Variants in DOT1L observed in about 807,000 individuals in gnomAD.
DOT1L encodes the protein DOT1 like histone lysine methyltransferase, also known as histone-lysine N-methyltransferase, H3 lysine-79 specific.
In DOT1L, 33 loss-of-function variants were observed where a neutral mutation model predicts 153.3. That is an observed-to-expected ratio of 0.22 (90% CI 0.16 to 0.29). DOT1L has a LOEUF of 0.29. Among genes scored for constraint, DOT1L ranks in the 10% least tolerant of loss-of-function variants. The pLI is 1.00. For missense variants in DOT1L, 1,847 were observed against 2,119.9 expected (o/e 0.87, Z 2.53); for synonymous variants, 1,135 against 965.1 (o/e 1.18, Z -3.26).
chr19:2,215,229 G>A (rs952411994), intron 19 of DOT1L, among the ~76,000 whole-genome samples: 4 of 152,194 alleles, frequency 2.6e-5, no homozygotes, highest in Middle Eastern at 3.2e-3. Flanking sequence ...TTGCACCACT[G>A]CACTCCAGCC....
intron 1 of DOT1L, 56 bp downstream of exon 1, chr19:2,164,321 TG>T (rs2144621162): frequency 8.4e-7 from 1 of 1,190,694 alleles, no homozygotes. Context: ...CCGCCGCCCC[TG>T]GGGACACCCC....
At chr19:2,185,808 CAAAAA>C (rs748068877) in intron 2 of DOT1L, 42 bp from the exon 3 acceptor site, 95 of 1,593,734 alleles carry the variant, frequency 6.0e-5, no homozygotes, top group Non-Finnish European at 7.7e-5. Flanking sequence ...CAAAACAAAA[CAAAAA>C]AAACCAAACC....
At chr19:2,229,375 C>T (rs1043759066) in intron 27 of DOT1L, 1 of 985,354 alleles carries the variant, frequency 1.0e-6, no homozygotes, top group Non-Finnish European at 1.2e-6. Context: ...GTCCAAAGCC[C>T]ACCGGGCAAG....
At chr19:2,219,216 C>T (rs1392295089) in intron 22 of DOT1L, among the ~76,000 whole-genome samples, 1 of 152,160 alleles carries the variant, frequency 6.6e-6, no homozygotes, top group Non-Finnish European at 1.5e-5. Context: ...CCCTGTTGGC[C>T]AGGGTGGTCT....
intron 27 of DOT1L, chr19:2,227,767 C>A: frequency 7.6e-7 from 1 of 1,320,332 alleles, no homozygotes; most frequent in Non-Finnish European, 1.0e-6. Flanking sequence ...CCCTCCGCCT[C>A]TGCTCATCCG....
chr19:2,199,850 G>A (rs766266898), intron 7 of DOT1L, 34 bp from the exon 8 acceptor site: 20 of 1,606,554 alleles, frequency 1.2e-5, no homozygotes, highest in South Asian at 8.8e-5. Flanking sequence ...CAGGGAGGCC[G>A]GGGGTCCGCG....
intron 25 of DOT1L, 71 bp from the exon 26 acceptor site, chr19:2,225,317 G>A: frequency 1.4e-6 from 2 of 1,473,628 alleles, no homozygotes; most frequent in Non-Finnish European, 1.9e-6. Flanking sequence ...TGGGCTGTTG[G>A]CTGTCAGCAT....
intron 2 of DOT1L, among the ~76,000 whole-genome samples, chr19:2,184,217 C>T (rs1470758400): frequency 6.6e-6 from 1 of 152,118 alleles, no homozygotes; most frequent in African/African-American, 2.4e-5. Context: ...CTCTCGGGGC[C>T]TCGCTCGGTG....
At chr19:2,195,277 G>A (rs1188749119) in intron 7 of DOT1L, among the ~76,000 whole-genome samples, 1 of 152,028 alleles carries the variant, frequency 6.6e-6, no homozygotes, top group Non-Finnish European at 1.5e-5. Context: ...CCCACCCCAC[G>A]CTGAGTCCTT....
At chr19:2,178,608 G>A (rs1285251156) in intron 1 of DOT1L, among the ~76,000 whole-genome samples, 6 of 151,984 alleles carry the variant, frequency 3.9e-5, no homozygotes. Flanking sequence ...TAGTAGAGAT[G>A]GGGTTTCATT....
At chr19:2,219,070 C>T (rs2024017526) in intron 22 of DOT1L, among the ~76,000 whole-genome samples, 1 of 152,248 alleles carries the variant, frequency 6.6e-6, no homozygotes, top group South Asian at 2.1e-4. Context: ...CAGGGTTTCA[C>T]CATCTTGGCC....
rs1181167675 is a variant in DOT1L at position 2,217,700 on chromosome 19, C to T, written c.2545-72C>T. The T allele has an allele frequency of 3.2e-6, 5 of 1,538,786 alleles. No homozygotes were observed. Among genetic ancestry groups the T allele is most frequent in the Non-Finnish European group, 4.4e-6 (5 of 1,140,110 alleles). ...TGAGAGAGCTGTAGCAGGCCCCCGT[C>T]CTGTGGCTGTGGTCCCTGTGTCCTG... On this transcript the variant is annotated intron_variant, in intron 21 of 27. Coordinates refer to ENST00000398665, the MANE Select transcript of DOT1L (RefSeq NM_032482.3). The surrounding 1 kb of genome is among the most constrained non-coding windows in gnomAD (Gnocchi z 7.3).
Position 2,222,571 on chromosome 19 carries a change from G to A in DOT1L, c.3390+12G>A, listed in dbSNP as rs761488799. The A allele has an allele frequency of 1.3e-6, 2 of 1,530,822 alleles. No individual in the cohort carries two copies. Among genetic ancestry groups the A allele is most frequent in the East Asian group, 2.3e-5 (1 of 44,064 alleles). 94.8% of individuals were successfully genotyped at this position (1,530,822 alleles called of 1,614,324 possible). A position where few individuals can be genotyped will look rare whatever the true frequency, so the allele number is the denominator to read the frequency against. On this transcript the variant is annotated intron_variant, in intron 24 of 27. Coordinates refer to ENST00000398665, the MANE Select transcript of DOT1L (RefSeq NM_032482.3). This position sits in a 1 kb window ranked among gnomAD's most constrained non-coding sequence, Gnocchi z 6.5. ...ACCTCAACTCCATGGTAAGGATGGG[G>A]ACCGGCAGGGCTGGGGAGCGCGGCC...
chr19:2,171,742 G>A lies in DOT1L; in HGVS notation c.81+7477G>A, dbSNP rs544075960. On this transcript the variant is annotated intron_variant, in intron 1 of 27. Coordinates refer to ENST00000398665, the MANE Select transcript of DOT1L (RefSeq NM_032482.3). ...CCTGGCCAAGATCCAGGCTTGCTGCGTGCAGTCCCCGCCCACTGTGTCCCC... is the reference window on the plus strand; with the variant it reads ...CCTGGCCAAGATCCAGGCTTGCTGCATGCAGTCCCCGCCCACTGTGTCCCC... Among the ~76,000 whole-genome samples, 11 of 152,296 alleles carry A rather than the reference G, an allele frequency of 7.2e-5. No individual in the cohort carries two copies. The South Asian group carries it at 1.4e-3, about 20-fold the overall frequency.
intron 27 of DOT1L, chr19:2,227,328 T>G (rs758165992): frequency 3.9e-6 from 3 of 770,862 alleles, no homozygotes; most frequent in Admixed American, 1.9e-5. Context: ...GTGTCTTGGG[T>G]TCTCTGGTTG....
intron 2 of DOT1L, 149 bp from the exon 3 acceptor site, chr19:2,185,706 T>A (rs2022466881): frequency 2.6e-6 from 2 of 756,278 alleles, no homozygotes; most frequent in Admixed American, 2.1e-5. Flanking sequence ...GAGGCGGAGC[T>A]TGCAGTGAGC....
chr19:2,187,901 G>C (rs527414266), intron 3 of DOT1L, among the ~76,000 whole-genome samples: 10 of 141,282 alleles, frequency 7.1e-5, no homozygotes, highest in South Asian at 2.3e-4. Flanking sequence ...CAGCCTGGGT[G>C]ACAGAGCGAG....
Position 2,164,160 on chromosome 19 carries a change from T to C in DOT1L, c.-25T>C. 1.9e-6 allele frequency: 2 copies of C among 1,074,844 alleles called. No individual in the cohort carries two copies. Among genetic ancestry groups the C allele is most frequent in the Non-Finnish European group, 1.1e-6 (1 of 889,024 alleles). 66.6% of individuals were successfully genotyped at this position (1,074,844 alleles called of 1,614,324 possible). On this transcript the variant is annotated 5_prime_UTR_variant, in exon 1 of 28. It removes an upstream start codon present in the reference 5' UTR. Coordinates refer to ENST00000398665, the MANE Select transcript of DOT1L (RefSeq NM_032482.3). The stretch of plus-strand genomic sequence containing the variant: ...CCCTCCCCCAACCGCCCGCCTAGCA[T>C]GGTGCGGCGGCCGCGCGCGCGGACA...
chr19:2,192,459 G>A (rs566600035), intron 5 of DOT1L, among the ~76,000 whole-genome samples: 4 of 152,182 alleles, frequency 2.6e-5, no homozygotes, highest in Non-Finnish European at 5.9e-5. Context: ...GAGCTCCTGA[G>A]GTCAGGAGTT....
Sources: allele counts gnomAD v4.1 joint callset (sites outside exome capture counted in the v4.1 genomes callset), GRCh38; gene constraint gnomAD v4.1.1; non-coding constraint Gnocchi (gnomAD v3.1); transcripts MANE v1.5; gene names NCBI Gene and HGNC (gene_info 2026-07-23, HGNC 2026-07-21).